The following SDK1 variants were observed in gnomAD, a reference collection of about 807,000 sequenced individuals.
SDK1 encodes sidekick cell adhesion molecule 1, also known as protein sidekick-1.
In SDK1, 157 loss-of-function variants were observed where a neutral mutation model predicts 245.5. That is an observed-to-expected ratio of 0.64 (90% CI 0.56 to 0.73). SDK1 has a LOEUF of 0.73. SDK1 is among the 30% of genes least tolerant of loss of function. SDK1 has a pLI of 0.00. For missense variants in SDK1, 3,583 were observed against 3,002.3 expected, an observed-to-expected ratio of 1.19 and a Z score of -4.52; for synonymous variants, 1,647 against 1,278.5, an observed-to-expected ratio of 1.29 and a Z score of -6.15.
chr7:3,453,148 A>G (rs1460209235), intron 1 of SDK1, among the ~76,000 whole-genome samples: 1 of 151,812 alleles, frequency 6.6e-6, no homozygotes, highest in African/African-American at 2.4e-5. Flanking sequence ...CGGTTTTCCA[A>G]CTCTTTCCCT....
intron 22 of SDK1, among the ~76,000 whole-genome samples, chr7:4,102,501 G>A (rs907256879): frequency 4.6e-5 from 7 of 152,082 alleles, no homozygotes; most frequent in Non-Finnish European, 7.4e-5. Flanking sequence ...ACCTCCTCAC[G>A]TCCCTCCTCC....
chr7:3,833,131 A>G (rs1195493103), intron 5 of SDK1, among the ~76,000 whole-genome samples: 1 of 152,114 alleles, frequency 6.6e-6, no homozygotes, highest in East Asian at 1.9e-4. Context: ...GAAGATACAA[A>G]TGTCAAAACT....
intron 4 of SDK1, among the ~76,000 whole-genome samples, chr7:3,687,335 G>A (rs1784316684): frequency 6.6e-6 from 1 of 151,964 alleles, no homozygotes; most frequent in Non-Finnish European, 1.5e-5. Context: ...CACTATGTTG[G>A]CCAGGATAGT....
intron 22 of SDK1, among the ~76,000 whole-genome samples, chr7:4,090,357 T>G (rs1254465676): frequency 2.6e-5 from 4 of 152,214 alleles, no homozygotes; most frequent in Non-Finnish European, 5.9e-5. Context: ...TTTTAAAAAT[T>G]CAATCATTTC....
chr7:4,122,411 A>G (rs1026755587), intron 25 of SDK1, among the ~76,000 whole-genome samples: 1 of 152,164 alleles, frequency 6.6e-6, no homozygotes, highest in Non-Finnish European at 1.5e-5. Context: ...GAGAGAATAA[A>G]ACAACTGCCT....
chr7:3,654,645 C>T (rs1783107215), intron 4 of SDK1, among the ~76,000 whole-genome samples: 1 of 152,150 alleles, frequency 6.6e-6, no homozygotes, highest in Admixed American at 6.5e-5. Flanking sequence ...AGGTAGATGA[C>T]ACTGTCCCTG....
intron 1 of SDK1, among the ~76,000 whole-genome samples, chr7:3,478,105 T>C (rs764016735): frequency 1.1e-4 from 16 of 152,148 alleles, no homozygotes; most frequent in Non-Finnish European, 2.4e-4. Flanking sequence ...ACTGTATCAG[T>C]AAAAAATTAT....
At chr7:3,972,233 C>A (rs1782544651) in intron 12 of SDK1, among the ~76,000 whole-genome samples, 1 of 152,078 alleles carries the variant, frequency 6.6e-6, no homozygotes, top group Admixed American at 6.5e-5. Flanking sequence ...GTGCCTGCCA[C>A]CACTCCCGGC....
chr7:3,621,441 G>C (rs1285080347), intron 2 of SDK1, among the ~76,000 whole-genome samples: 1 of 152,194 alleles, frequency 6.6e-6, no homozygotes, highest in African/African-American at 2.4e-5. Context: ...GCCCCAGAAA[G>C]AAAGGAATGG....
At chr7:3,748,657 G>C (rs918829412) in intron 4 of SDK1, among the ~76,000 whole-genome samples, 1 of 152,164 alleles carries the variant, frequency 6.6e-6, no homozygotes, top group Non-Finnish European at 1.5e-5. Context: ...GTTTCCTCAT[G>C]CTTCATGTAT....
chr7:4,135,839 G>C (rs923933743), intron 28 of SDK1, among the ~76,000 whole-genome samples: 1 of 152,208 alleles, frequency 6.6e-6, no homozygotes, highest in Non-Finnish European at 1.5e-5. Context: ...GAGGCTCCCT[G>C]GACTTGAGAG....
chr7:3,468,269 T>C (rs1045102826), intron 1 of SDK1, among the ~76,000 whole-genome samples: 3 of 152,168 alleles, frequency 2.0e-5, no homozygotes, highest in Non-Finnish European at 2.9e-5. Context: ...TTTTCTGAAA[T>C]GATATAAACA....
At chr7:4,146,259 C>G (rs1264667777) in intron 29 of SDK1, among the ~76,000 whole-genome samples, 1 of 151,336 alleles carries the variant, frequency 6.6e-6, no homozygotes, top group Non-Finnish European at 1.5e-5. Flanking sequence ...TTTCGTGACA[C>G]ACTTTCAGCC....
At chr7:3,766,007 C>T (rs143691494) in intron 4 of SDK1, among the ~76,000 whole-genome samples, 2 of 152,104 alleles carry the variant, frequency 1.3e-5, no homozygotes, top group African/African-American at 4.8e-5. Context: ...AAGAATTGAT[C>T]ACTTGCTTCA....
chr7:3,782,451 AC>A (rs1780775460), intron 4 of SDK1, among the ~76,000 whole-genome samples: 1 of 152,204 alleles, frequency 6.6e-6, no homozygotes, highest in African/African-American at 2.4e-5. Flanking sequence ...AATCATATCA[AC>A]CCAAGTACAG....
At chr7:4,072,443 G>A (rs919376108) in intron 20 of SDK1, among the ~76,000 whole-genome samples, 4 of 152,170 alleles carry the variant, frequency 2.6e-5, no homozygotes, top group African/African-American at 7.2e-5. Flanking sequence ...AGATGAGATC[G>A]GATGTTATCA....
chr7:3,732,888 C>G (rs1779219188), intron 4 of SDK1, among the ~76,000 whole-genome samples: 1 of 152,172 alleles, frequency 6.6e-6, no homozygotes, highest in South Asian at 2.1e-4. Flanking sequence ...AGCAGTCATC[C>G]TGACTTGCTG....
intron 2 of SDK1, among the ~76,000 whole-genome samples, chr7:3,622,230 C>T (rs1030443533): frequency 3.3e-5 from 5 of 152,192 alleles, no homozygotes; most frequent in Non-Finnish European, 5.9e-5. Context: ...GTAATCTCAG[C>T]ACTTTGGGAG....
chr7:3,916,219 C>T (rs1013171918), intron 5 of SDK1, among the ~76,000 whole-genome samples: 1 of 152,158 alleles, frequency 6.6e-6, no homozygotes, highest in African/African-American at 2.4e-5. Context: ...GACCAGCCCT[C>T]AGTGGATCTA....
Sources: allele counts gnomAD v4.1 joint callset (sites outside exome capture counted in the v4.1 genomes callset), GRCh38; gene constraint gnomAD v4.1.1; transcripts MANE v1.5; gene names NCBI Gene and HGNC (gene_info 2026-07-23, HGNC 2026-07-21).